Variants in KDM4C observed in about 807,000 individuals in gnomAD.
KDM4C encodes the protein lysine-specific demethylase 4C.
KDM4C carries 81 observed loss-of-function variants against 129.3 expected under a neutral mutation model. The observed-to-expected ratio is 0.63, with a 90% CI of 0.52 to 0.75. The LOEUF is 0.75. Ranked by LOEUF, KDM4C falls within the 30% of genes least tolerant of loss-of-function variation. The probability of loss-of-function intolerance (pLI) is 0.00; values close to 1 mark genes in which losing one functional copy is unlikely to be tolerated. For missense variants in KDM4C, 1,457 were observed against 1,304.0 expected (o/e 1.12, Z -1.81); for synonymous variants, 573 against 456.1 (o/e 1.26, Z -3.26).
At chr9:6,741,891 T>TAC (rs34722839) in intron 1 of KDM4C, among the ~76,000 whole-genome samples, 151 of 149,422 alleles carry the variant, frequency 1.0e-3, no homozygotes, top group South Asian at 6.8e-3. Context: ...AAAATGTTGT[T>TAC]ACACACACAC....
At chr9:6,869,203 A>G (rs946523073) in intron 5 of KDM4C, among the ~76,000 whole-genome samples, 3 of 152,152 alleles carry the variant, frequency 2.0e-5, no homozygotes, top group Middle Eastern at 3.2e-3. Context: ...CTGCCTGCAC[A>G]TATGGTTGCT....
chr9:7,103,905 C>A, intron 18 of KDM4C, 35 bp downstream of exon 18: 1 of 1,585,834 alleles, frequency 6.3e-7, no homozygotes, highest in Non-Finnish European at 8.6e-7. Context: ...GTGCTAAGAC[C>A]GTGTCTGGAT....
chr9:7,158,452 A>G (rs1843428571), intron 19 of KDM4C, among the ~76,000 whole-genome samples: 1 of 151,560 alleles, frequency 6.6e-6, no homozygotes, highest in Non-Finnish European at 1.5e-5. Context: ...CGATTTTTAG[A>G]TCTTTCCTGC....
intron 8 of KDM4C, among the ~76,000 whole-genome samples, chr9:6,978,047 GGCACTTATCTA>G (rs1161565209): frequency 6.6e-6 from 1 of 152,134 alleles, no homozygotes; most frequent in East Asian, 1.9e-4. Flanking sequence ...TTTAAAAATA[GGCACTTATCTA>G]GCATTTTCAG....
chr9:6,949,990 C>A lies in KDM4C; in HGVS notation c.922-30935C>A, dbSNP rs76679557. Among the ~76,000 whole-genome samples the A allele has an allele frequency of 2.8e-4, 42 of 150,488 alleles. No individual in the cohort carries two copies. In the East Asian group the frequency reaches 5.3e-3, roughly 19 times the overall value. On this transcript the variant is annotated intron_variant, in intron 8 of 21. Coordinates refer to ENST00000381309, the MANE Select transcript of KDM4C (RefSeq NM_015061.6). The stretch of plus-strand genomic sequence containing the variant: ...AACTAGCTTATTTAGCCCAAGGAGT[C>A]ACATTTCTTCATAGTTAACTTTTGA...
rs535285704 is a variant in KDM4C, at chr9:6,980,451, G to A, written c.922-474G>A. 3.3e-5 allele frequency among the ~76,000 whole-genome samples: 5 copies of A among 152,206 alleles called. No individual in the cohort carries two copies. In the South Asian group the frequency reaches 1.0e-3, roughly 32 times the overall value. ...ATTTTGGGTTACCTTATGAGAGTTC[G>A]TTAATAACCATAAATATAATAAAAT... On this transcript the variant is annotated intron_variant, in intron 8 of 21. Coordinates refer to ENST00000381309, the MANE Select transcript of KDM4C (RefSeq NM_015061.6).
At chr9:6,887,343 T>C (rs1845463109) in intron 6 of KDM4C, among the ~76,000 whole-genome samples, 1 of 152,346 alleles carries the variant, frequency 6.6e-6, no homozygotes, top group Middle Eastern at 3.4e-3. Flanking sequence ...GTTGTATGTT[T>C]AACTTCCTCA....
intron 15 of KDM4C, among the ~76,000 whole-genome samples, chr9:7,038,333 G>C (rs910496079): frequency 2.0e-5 from 3 of 151,966 alleles, no homozygotes; most frequent in African/African-American, 7.2e-5. Context: ...TACTTAAGCT[G>C]TTTTGTCAGT....
intron 15 of KDM4C, among the ~76,000 whole-genome samples, chr9:7,034,676 C>A (rs1007732861): frequency 1.3e-5 from 2 of 152,128 alleles, no homozygotes; most frequent in African/African-American, 4.8e-5. Flanking sequence ...GATTTCTTTT[C>A]CTTTGCATAA....
intron 15 of KDM4C, among the ~76,000 whole-genome samples, chr9:7,020,693 G>T (rs1824649417): frequency 6.6e-6 from 1 of 151,982 alleles, no homozygotes; most frequent in Non-Finnish European, 1.5e-5. Flanking sequence ...TTGGTATGTT[G>T]TAAGTGTATA....
chr9:6,888,157 G>A (rs1845568598), intron 7 of KDM4C, 94 bp downstream of exon 7: 1 of 575,228 alleles, frequency 1.7e-6, no homozygotes, highest in East Asian at 3.1e-5. Flanking sequence ...AGAATTTTTA[G>A]GATGTGGGTA....
intron 19 of KDM4C, among the ~76,000 whole-genome samples, chr9:7,129,434 C>G (rs1364079883): frequency 6.6e-6 from 1 of 152,134 alleles, no homozygotes; most frequent in Non-Finnish European, 1.5e-5. Context: ...GTGTTTCTTA[C>G]CAGGGTTCTA....
At chr9:6,725,988 G>A (rs919682152) in intron 1 of KDM4C, among the ~76,000 whole-genome samples, 5 of 148,532 alleles carry the variant, frequency 3.4e-5, no homozygotes, top group African/African-American at 1.2e-4. Flanking sequence ...GTGCAGTGGC[G>A]CGATCTCGGC....
chr9:6,878,389 A>G (rs1369887791), intron 5 of KDM4C, among the ~76,000 whole-genome samples: 1 of 152,224 alleles, frequency 6.6e-6, no homozygotes, highest in Non-Finnish European at 1.5e-5. Context: ...GAAAAGTAGA[A>G]CTAATTAAAT....
chr9:7,150,224 T>C (rs1248080201), intron 19 of KDM4C, among the ~76,000 whole-genome samples: 2 of 152,200 alleles, frequency 1.3e-5, no homozygotes, highest in African/African-American at 2.4e-5. Context: ...TTTCACCTCT[T>C]TCTTTAAGGC....
rs142911299 is a variant in KDM4C at position 6,819,917 on chromosome 9, C to T, written c.435+5172C>T. ...CGTGGTTCATGGCATTATTTTGAAA[C>T]GAATTATAGAGTCATCAAATTGCAG... is the stretch of plus-strand genomic sequence containing the variant. On this transcript the variant is annotated intron_variant, in intron 4 of 21. Coordinates refer to ENST00000381309, the MANE Select transcript of KDM4C (RefSeq NM_015061.6). Among the ~76,000 whole-genome samples, 738 of 151,944 alleles carry T rather than the reference C, an allele frequency of 4.9e-3. 6 individuals are homozygous for T. The highest frequency in any genetic ancestry group is 0.017 in the African/African-American group (705 of 41,382).
intron 8 of KDM4C, among the ~76,000 whole-genome samples, chr9:6,950,902 TC>T (rs1478595785): frequency 6.6e-6 from 1 of 152,220 alleles, no homozygotes. Flanking sequence ...CATGAACCTT[TC>T]CTTAAATGTT....
intron 17 of KDM4C, among the ~76,000 whole-genome samples, chr9:7,060,116 T>C (rs1259290801): frequency 6.6e-6 from 1 of 152,116 alleles, no homozygotes; most frequent in Non-Finnish European, 1.5e-5. Context: ...ATTTATGATA[T>C]CCTGTAACTT....
intron 15 of KDM4C, among the ~76,000 whole-genome samples, chr9:7,017,267 C>G (rs1200814352): frequency 6.6e-6 from 1 of 152,156 alleles, no homozygotes; most frequent in Non-Finnish European, 1.5e-5. Context: ...AGCATGAGGT[C>G]TTTCCCCACT....
Sources: allele counts gnomAD v4.1 joint callset (sites outside exome capture counted in the v4.1 genomes callset), GRCh38; gene constraint gnomAD v4.1.1; transcripts MANE v1.5; gene names NCBI Gene and HGNC (gene_info 2026-07-23, HGNC 2026-07-21).